The following TRIM24 variants were observed in gnomAD, a reference collection of about 807,000 sequenced individuals.
TRIM24 encodes transcription intermediary factor 1-alpha.
A neutral mutation model predicts 123.9 loss-of-function variants in TRIM24; 29 were observed. The observed-to-expected ratio is 0.23, with a 90% CI of 0.17 to 0.32. The LOEUF is 0.32. Ranked by LOEUF, TRIM24 falls within the 10% of genes least tolerant of loss-of-function variation. TRIM24 has a pLI of 1.00. For synonymous variants in TRIM24, 456 were observed against 461.1 expected (o/e 0.99, Z 0.14); for missense variants, 932 against 1,295.3 (o/e 0.72, Z 4.31).
At chr7:138,515,031 C>T (rs1318107276) in intron 2 of TRIM24, among the ~76,000 whole-genome samples, 181 bp from the exon 3 acceptor site, 1 of 152,218 alleles carries the variant, frequency 6.6e-6, no homozygotes, top group East Asian at 1.9e-4. Context: ...CTTGTCTCTT[C>T]ACAGTATTTT....
chr7:138,536,493 T>A (rs1199964656), intron 6 of TRIM24, among the ~76,000 whole-genome samples: 2 of 152,254 alleles, frequency 1.3e-5, no homozygotes, highest in East Asian at 3.8e-4. Context: ...CCAGACCCTG[T>A]TTGCCTGGGT....
intron 8 of TRIM24, among the ~76,000 whole-genome samples, chr7:138,551,668 T>C (rs1797216056): frequency 6.6e-6 from 1 of 152,202 alleles, no homozygotes; most frequent in East Asian, 1.9e-4. Flanking sequence ...TGTCCTGTCC[T>C]GTCCTATTCC....
chr7:138,542,623 A>G (rs1361857101), intron 7 of TRIM24, among the ~76,000 whole-genome samples: 1 of 152,228 alleles, frequency 6.6e-6, no homozygotes, highest in Non-Finnish European at 1.5e-5. Context: ...TGTAAAATTT[A>G]CAGTACTTAC....
At chr7:138,574,204 A>G (rs762236554) in intron 12 of TRIM24, among the ~76,000 whole-genome samples, 37 of 152,236 alleles carry the variant, frequency 2.4e-4, no homozygotes, top group Non-Finnish European at 4.6e-4. Context: ...CCTAGGGTCA[A>G]AATGTATTAG....
At chr7:138,473,739 A>C (rs1367773548) in intron 1 of TRIM24, among the ~76,000 whole-genome samples, 1 of 152,226 alleles carries the variant, frequency 6.6e-6, no homozygotes, top group Non-Finnish European at 1.5e-5. Context: ...GACTTATGAA[A>C]TATTTTAGTC....
At chr7:138,525,821 T>C (rs1004365214) in intron 5 of TRIM24, among the ~76,000 whole-genome samples, 4 of 152,330 alleles carry the variant, frequency 2.6e-5, no homozygotes, top group Admixed American at 2.6e-4. Flanking sequence ...TGTTAAACTG[T>C]TCCGCACACT....
intron 1 of TRIM24, among the ~76,000 whole-genome samples, chr7:138,467,949 G>A (rs1036324632): frequency 1.3e-5 from 2 of 151,826 alleles, no homozygotes; most frequent in Non-Finnish European, 2.9e-5. Flanking sequence ...TAGTCTACAG[G>A]GAGATAGCTT....
chr7:138,493,439 C>A (rs1430712028), intron 1 of TRIM24, among the ~76,000 whole-genome samples: 1 of 152,144 alleles, frequency 6.6e-6, no homozygotes, highest in Non-Finnish European at 1.5e-5. Context: ...AGTGACTTTT[C>A]CAAGAAATTT....
At chr7:138,485,282 T>G (rs1261849389) in intron 1 of TRIM24, among the ~76,000 whole-genome samples, 1 of 152,184 alleles carries the variant, frequency 6.6e-6, no homozygotes, top group Admixed American at 6.6e-5. Flanking sequence ...TTCTGTGGCA[T>G]TAAGTACATT....
chr7:138,543,438 C>A (rs764489897), intron 7 of TRIM24, among the ~76,000 whole-genome samples: 1 of 152,108 alleles, frequency 6.6e-6, no homozygotes, highest in South Asian at 2.1e-4. Flanking sequence ...GATTTTCTAA[C>A]TTCAGAAAAT....
At chr7:138,508,716 T>TGTGC (rs774998525) in intron 2 of TRIM24, among the ~76,000 whole-genome samples, 1 of 142,724 alleles carries the variant, frequency 7.0e-6, no homozygotes, top group Non-Finnish European at 1.5e-5. Flanking sequence ...TGCGTGTGTG[T>TGTGC]GTGCGTGTGT....
At position 138,543,590 on chromosome 7, in the gene TRIM24, C is replaced by T. The variant is rs566181649; in HGVS notation, c.1143+4787C>T. 3.2e-4 allele frequency among the ~76,000 whole-genome samples: 48 copies of T among 152,230 alleles called. 1 individual carries two copies. In the South Asian group the frequency reaches 8.5e-3, roughly 27 times the overall value. The stretch of plus-strand genomic sequence containing the variant: ...GAAATGCCTAGCAGCCCTGAAACCT[C>T]AAGCTTGGCTTGCTATTTTAAAAAA... On this transcript the variant is annotated intron_variant, in intron 7 of 18. Coordinates refer to ENST00000343526, the MANE Select transcript of TRIM24 (RefSeq NM_015905.3).
chr7:138,549,326 G>A (rs1797163775), intron 7 of TRIM24, among the ~76,000 whole-genome samples: 1 of 152,176 alleles, frequency 6.6e-6, no homozygotes, highest in Non-Finnish European at 1.5e-5. Context: ...TGAGCCCTGG[G>A]CATTCCAGCA....
At chr7:138,576,546 T>C in intron 13 of TRIM24, 101 bp downstream of exon 13, 1 of 924,150 alleles carries the variant, frequency 1.1e-6, no homozygotes, top group Non-Finnish European at 1.6e-6. Context: ...TTTTGAACAA[T>C]TTCCTTTATT....
chr7:138,463,010 C>G (rs1464046453), intron 1 of TRIM24, among the ~76,000 whole-genome samples: 4 of 145,904 alleles, frequency 2.7e-5, no homozygotes, highest in Middle Eastern at 7.7e-3. Context: ...GCTGGGATTA[C>G]AGGCATGCGC....
At chr7:138,504,564 A>G (rs1796110575) in intron 2 of TRIM24, among the ~76,000 whole-genome samples, 156 bp downstream of exon 2, 1 of 146,958 alleles carries the variant, frequency 6.8e-6, no homozygotes, top group Non-Finnish European at 1.5e-5. Flanking sequence ...ACAGGTTCAC[A>G]CCATTCTCCT....
intron 1 of TRIM24, among the ~76,000 whole-genome samples, chr7:138,502,362 A>G (rs1796059603): frequency 6.6e-6 from 1 of 152,246 alleles, no homozygotes; most frequent in Non-Finnish European, 1.5e-5. Context: ...ACTAACTAGA[A>G]CACAGCAAGT....
Position 138,475,719 on chromosome 7 carries a change from C to T in TRIM24, c.364+14807C>T, listed in dbSNP as rs137885375. On this transcript the variant is annotated intron_variant, in intron 1 of 18. Coordinates refer to ENST00000343526, the MANE Select transcript of TRIM24 (RefSeq NM_015905.3). The stretch of plus-strand genomic sequence containing the variant: ...AGAGATGACGTTTTGCCATGTTGGC[C>T]AAGCTGGTCTCGAACACCTGGCCTC... 2.9e-3 allele frequency among the ~76,000 whole-genome samples: 438 copies of T among 152,218 alleles called. 4 individuals carry two copies. The highest frequency in any genetic ancestry group is 3.4e-3 in the Non-Finnish European group (231 of 68,006).
Position 138,554,903 on chromosome 7 carries a change from A to C in TRIM24, c.1467A>C (p.Ala489=), listed in dbSNP as rs149218015. Residue 489 remains alanine (A), a synonymous_variant, in exon 9 of 19, where the codon GCA becomes GCC. Transcript: ENST00000343526. This position sits in a 1 kb window ranked among gnomAD's most constrained non-coding sequence, Gnocchi z 4.5. ...AQRQQVQRRP[A]PVGLPNPRMQ... The stretch of plus-strand genomic sequence containing the variant: ...GGCAACAGGTGCAACGGAGGCCAGC[A>C]CCTGTGGGTTTACCAAACCCTAGAA... 3.3e-4 allele frequency: 530 copies of C among 1,614,074 alleles called. No individual in the cohort carries two copies. In the African/African-American group the frequency reaches 6.3e-3, roughly 19 times the overall value.
Sources: gnomAD v4.1 joint callset for allele counts (sites outside exome capture counted in the v4.1 genomes callset) on GRCh38, gnomAD v4.1.1 for gene constraint, Gnocchi (gnomAD v3.1) non-coding constraint, MANE v1.5 for transcripts, NCBI Gene and HGNC (gene_info 2026-07-23, HGNC 2026-07-21) for gene names.